The following INSYN2A variants were observed in gnomAD, a reference collection of about 807,000 sequenced individuals.
INSYN2A encodes the protein family with sequence similarity 196 member A.
INSYN2A carries 17 observed loss-of-function variants against 39.4 expected under a neutral mutation model. The ratio of observed to expected loss-of-function variants is 0.43; its 90% CI spans 0.30 to 0.65. The LOEUF (loss-of-function observed/expected upper bound fraction) is 0.65, where lower values mean the gene tolerates loss of function less well. Among genes scored for constraint, INSYN2A ranks in the 30% least tolerant of loss-of-function variants. INSYN2A has a pLI of 0.14. For missense variants in INSYN2A, 595 were observed against 631.2 expected, an observed-to-expected ratio of 0.94 and a Z score of 0.61; for synonymous variants, 255 against 265.7, an observed-to-expected ratio of 0.96 and a Z score of 0.39.
At chr10:127,151,727 G>A (rs368596275) in intron 5 of INSYN2A, among the ~76,000 whole-genome samples, 4 of 152,220 alleles carry the variant, frequency 2.6e-5, no homozygotes, top group East Asian at 3.9e-4. Flanking sequence ...ACAGTGCCTC[G>A]CCCTCTACCT....
At chr10:127,170,254 A>G (rs2054441643) in intron 4 of INSYN2A, among the ~76,000 whole-genome samples, 1 of 152,130 alleles carries the variant, frequency 6.6e-6, no homozygotes. Flanking sequence ...GCTCTGAATT[A>G]GTAAAGTCAC....
At chr10:127,144,620 CTATT>C in intron 5 of INSYN2A, among the ~76,000 whole-genome samples, 1 of 152,172 alleles carries the variant, frequency 6.6e-6, no homozygotes, top group Admixed American at 6.5e-5. Context: ...TTGTATAATT[CTATT>C]TATTCTGTCT....
At chr10:127,143,615 A>T (rs2051489313) in intron 5 of INSYN2A, among the ~76,000 whole-genome samples, 1 of 152,158 alleles carries the variant, frequency 6.6e-6, no homozygotes, top group African/African-American at 2.4e-5. Flanking sequence ...AAAGCACAAC[A>T]ATTTATGTCA....
chr10:127,139,247 T>C (rs2050994669), intron 5 of INSYN2A, among the ~76,000 whole-genome samples: 2 of 152,202 alleles, frequency 1.3e-5, no homozygotes, highest in Admixed American at 1.3e-4. Context: ...TAGACAAATT[T>C]TGACATTTTG....
chr10:127,186,525 G>GCC (rs1187468492), intron 2 of INSYN2A, among the ~76,000 whole-genome samples: 35 of 26,270 alleles, frequency 1.3e-3, no homozygotes, highest in Non-Finnish European at 2.1e-3. Flanking sequence ...GCCCCCCCCC[G>GCC]ATCCAGTTAC....
chr10:127,171,315 A>G (rs1289692905), intron 4 of INSYN2A, among the ~76,000 whole-genome samples: 1 of 152,264 alleles, frequency 6.6e-6, no homozygotes, highest in Non-Finnish European at 1.5e-5. Context: ...CACTTGCCTG[A>G]CAAACTCAAT....
chr10:127,140,133 G>A lies in INSYN2A; in HGVS notation c.1257-2113C>T, dbSNP rs57973547. Among the ~76,000 whole-genome samples the A allele has an allele frequency of 8.4e-3, 1,283 of 152,226 alleles. 24 individuals are homozygous for A. The highest frequency in any genetic ancestry group is 0.029 in the African/African-American group (1,200 of 41,522). Reference sequence around the variant, plus strand: ...TGGGTTATTAGAACAGAGAGAAGGCGCTAGCATCTCCTAGGCTAACAGTAC... The same window carrying A: ...TGGGTTATTAGAACAGAGAGAAGGCACTAGCATCTCCTAGGCTAACAGTAC... On this transcript the variant is annotated intron_variant, in intron 5 of 5. Transcript: ENST00000522781.
intron 4 of INSYN2A, among the ~76,000 whole-genome samples, chr10:127,168,354 C>G (rs1429247014): frequency 6.6e-6 from 1 of 152,246 alleles, no homozygotes; most frequent in Non-Finnish European, 1.5e-5. Context: ...CCATGCCATT[C>G]AAATAGGGAG....
At chr10:127,140,638 A>AAGTCTCGGGGTTGAGTTTGACACACCG (rs2051144219) in intron 5 of INSYN2A, among the ~76,000 whole-genome samples, 1 of 147,054 alleles carries the variant, frequency 6.8e-6, no homozygotes, top group Non-Finnish European at 1.5e-5. Flanking sequence ...TTGACACACC[A>AAGTCTCGGGGTTGAGTTTGACACACCG]AGTCTCTGGG....
Position 127,153,913 on chromosome 10 carries a change from G to T in INSYN2A, c.1195C>A (p.Arg399=), listed in dbSNP as rs749601173. The change falls in exon 5 of 6, where the codon CGG becomes AGG. Residue 399 remains arginine (R), a synonymous_variant. Transcript: ENST00000522781. Reference sequence around the variant, plus strand: ...CAATTAGCTGTGTCTTGCCCCGTCCGATATGAAAGCCTACAAGATAAGAAC... The same window carrying T: ...CAATTAGCTGTGTCTTGCCCCGTCCTATATGAAAGCCTACAAGATAAGAAC... ...GEAHREGLSY[R]TGQDTANCDT... 2.5e-6 allele frequency: 4 copies of T among 1,613,470 alleles called. No homozygotes were observed. The African/African-American group carries it at 5.3e-5, about 22-fold the overall frequency.
At chr10:127,183,331 T>C (rs1403193810) in intron 2 of INSYN2A, among the ~76,000 whole-genome samples, 2 of 152,200 alleles carry the variant, frequency 1.3e-5, no homozygotes, top group Non-Finnish European at 2.9e-5. Context: ...GGCAAGGCCA[T>C]GGGAATGCCC....
intron 5 of INSYN2A, among the ~76,000 whole-genome samples, chr10:127,138,822 C>T (rs1344826752): frequency 6.6e-6 from 1 of 152,210 alleles, no homozygotes; most frequent in Non-Finnish European, 1.5e-5. Flanking sequence ...TTATTTCTTA[C>T]AGCATTTCTC....
At chr10:127,152,343 A>G (rs981118913) in intron 5 of INSYN2A, among the ~76,000 whole-genome samples, 1 of 152,226 alleles carries the variant, frequency 6.6e-6, no homozygotes, top group Non-Finnish European at 1.5e-5. Flanking sequence ...TGTTGCTATC[A>G]TTGAGTTTCT....
intron 4 of INSYN2A, among the ~76,000 whole-genome samples, chr10:127,167,751 T>C (rs1341069801): frequency 6.6e-6 from 1 of 151,998 alleles, no homozygotes; most frequent in Non-Finnish European, 1.5e-5. Context: ...GAACTGGTCC[T>C]GTCCTTTTCT....
chr10:127,181,043 A>G (rs181223072), intron 2 of INSYN2A, among the ~76,000 whole-genome samples: 51 of 152,326 alleles, frequency 3.3e-4, no homozygotes, highest in Admixed American at 2.8e-3. Flanking sequence ...AGGCATAACC[A>G]CTAGTATCAG....
At chr10:127,189,026 A>T (rs2056527003) in intron 2 of INSYN2A, among the ~76,000 whole-genome samples, 1 of 152,122 alleles carries the variant, frequency 6.6e-6, no homozygotes, top group Admixed American at 6.5e-5. Context: ...GGCTCCTAGG[A>T]AGCGCTCAGT....
chr10:127,153,608 T>C (rs1262560203), intron 5 of INSYN2A, among the ~76,000 whole-genome samples: 1 of 152,186 alleles, frequency 6.6e-6, no homozygotes, highest in African/African-American at 2.4e-5. Flanking sequence ...ATCAAACTTA[T>C]ACCAATTCTT....
Position 127,179,662 on chromosome 10 carries a change from T to G in INSYN2A, c.-268-2523A>C, listed in dbSNP as rs191851001. Among the ~76,000 whole-genome samples the G allele has an allele frequency of 2.1e-3, 324 of 152,244 alleles. 6 individuals are homozygous for G. Among genetic ancestry groups the G allele is most frequent in the Admixed American group, 4.8e-3 (73 of 15,288 alleles). On this transcript the variant is annotated intron_variant, in intron 2 of 5. Transcript: ENST00000522781. ...TGGGGGTGGAGGGTAAGGCTTACAGTGATTACCATTAAGAAAATGATTTTG... is the reference window on the plus strand; with the variant it reads ...TGGGGGTGGAGGGTAAGGCTTACAGGGATTACCATTAAGAAAATGATTTTG...
chr10:127,159,336 T>C (rs1294500189), intron 4 of INSYN2A, among the ~76,000 whole-genome samples: 1 of 152,208 alleles, frequency 6.6e-6, no homozygotes, highest in African/African-American at 2.4e-5. Context: ...GGCCTGGACC[T>C]CTCAGGTTTA....
Sources: allele counts gnomAD v4.1 joint callset (sites outside exome capture counted in the v4.1 genomes callset), GRCh38; gene constraint gnomAD v4.1.1; transcripts MANE v1.5; gene names NCBI Gene and HGNC (gene_info 2026-07-23, HGNC 2026-07-21).